SCHIP1: variants seen among roughly 807,000 people sequenced by gnomAD.
The protein encoded by SCHIP1 is schwannomin-interacting protein 1.
A neutral mutation model predicts 29.7 loss-of-function variants in SCHIP1; 8 were observed. That is an observed-to-expected ratio of 0.27 (90% CI 0.16 to 0.49). The LOEUF (loss-of-function observed/expected upper bound fraction) is 0.49. SCHIP1 is among the 20% of genes least tolerant of loss of function. The pLI is 0.99. For missense variants in SCHIP1, 193 were observed against 294.6 expected (o/e 0.66, Z 2.52); for synonymous variants, 76 against 94.9 (o/e 0.80, Z 1.16).
At chr3:159,853,160 CA>C (rs2109118574) in intron 1 of SCHIP1, 1 of 417,974 alleles carries the variant, frequency 2.4e-6, no homozygotes, top group East Asian at 3.7e-5. Flanking sequence ...CCTCAGAAAA[CA>C]GCAGCTGCCC....
the SCHIP1 span, among the ~76,000 whole-genome samples, chr3:159,461,808 A>T: frequency 6.6e-6 from 1 of 152,176 alleles, no homozygotes; most frequent in African/African-American, 2.4e-5. Flanking sequence ...AGCATATGTA[A>T]CTATTTTCCA....
At chr3:159,411,757 C>T in the SCHIP1 span, among the ~76,000 whole-genome samples, 2 of 152,172 alleles carry the variant, frequency 1.3e-5, no homozygotes, top group African/African-American at 4.8e-5. Flanking sequence ...CTGAGAATTA[C>T]TTTCATGTAA....
chr3:159,860,647 T>A (rs145651538), intron 1 of SCHIP1, among the ~76,000 whole-genome samples: 1 of 152,074 alleles, frequency 6.6e-6, no homozygotes, highest in East Asian at 1.9e-4. Context: ...GAGAAACAAA[T>A]GCATCTGGGA....
At chr3:159,711,765 CAG>C in the SCHIP1 span, among the ~76,000 whole-genome samples, 2 of 152,170 alleles carry the variant, frequency 1.3e-5, no homozygotes, top group African/African-American at 4.8e-5. Context: ...GGCTTCAACA[CAG>C]GGAATTAGGT....
the SCHIP1 span, among the ~76,000 whole-genome samples, chr3:159,662,786 A>G: frequency 6.6e-6 from 1 of 152,238 alleles, no homozygotes; most frequent in Non-Finnish European, 1.5e-5. Flanking sequence ...GAGCCAAGAT[A>G]TGAGTTCAGC....
intron 1 of SCHIP1, among the ~76,000 whole-genome samples, chr3:159,844,354 A>G (rs1228830623): frequency 6.6e-6 from 1 of 152,252 alleles, no homozygotes; most frequent in Non-Finnish European, 1.5e-5. Flanking sequence ...AACGTAAACC[A>G]AGGAGGAATA....
chr3:159,841,771 A>G (rs1327657271), intron 1 of SCHIP1, among the ~76,000 whole-genome samples: 1 of 152,222 alleles, frequency 6.6e-6, no homozygotes, highest in African/African-American at 2.4e-5. Flanking sequence ...GCTGCAATAT[A>G]TAACAGTGTC....
the SCHIP1 span, among the ~76,000 whole-genome samples, chr3:159,371,871 G>A: frequency 6.6e-6 from 1 of 152,108 alleles, no homozygotes; most frequent in Non-Finnish European, 1.5e-5. Context: ...TTTTAAAAAT[G>A]TATTTTTGAC....
chr3:159,305,578 C>T, the SCHIP1 span, among the ~76,000 whole-genome samples: 2 of 152,316 alleles, frequency 1.3e-5, no homozygotes, highest in African/African-American at 4.8e-5. Flanking sequence ...AATAAGTTCT[C>T]TTTCATTTCC....
the SCHIP1 span, among the ~76,000 whole-genome samples, chr3:159,727,137 G>C: frequency 6.6e-6 from 1 of 152,206 alleles, no homozygotes; most frequent in Non-Finnish European, 1.5e-5. Context: ...TATAATGCTT[G>C]TTGAGCATCA....
chr3:159,727,239 T>C, the SCHIP1 span, among the ~76,000 whole-genome samples: 7 of 152,254 alleles, frequency 4.6e-5, no homozygotes, highest in Non-Finnish European at 8.8e-5. Context: ...ATTCCGAGTT[T>C]TTTCCTAATC....
the SCHIP1 span, among the ~76,000 whole-genome samples, chr3:159,349,620 T>G: frequency 6.6e-6 from 1 of 152,194 alleles, no homozygotes; most frequent in Non-Finnish European, 1.5e-5. Context: ...ATTATCATTG[T>G]GGTTACTAAT....
chr3:159,318,449 C>T, the SCHIP1 span, among the ~76,000 whole-genome samples: 2 of 152,244 alleles, frequency 1.3e-5, no homozygotes, highest in African/African-American at 4.8e-5. Flanking sequence ...ACCAGGTGCA[C>T]TGCTCAAAGC....
chr3:159,660,510 C>T, the SCHIP1 span, among the ~76,000 whole-genome samples: 1 of 151,970 alleles, frequency 6.6e-6, no homozygotes, highest in African/African-American at 2.4e-5. Context: ...TACATATATA[C>T]ACATACAGAT....
the SCHIP1 span, among the ~76,000 whole-genome samples, chr3:159,400,146 T>G: frequency 6.6e-6 from 1 of 152,242 alleles, no homozygotes; most frequent in Non-Finnish European, 1.5e-5. Flanking sequence ...GACACTTTTC[T>G]GTATGTTAGC....
the SCHIP1 span, among the ~76,000 whole-genome samples, chr3:159,692,380 CT>C: frequency 0.17 from 25,231 of 152,126 alleles, 2,291 homozygotes; most frequent in Middle Eastern, 0.24. Context: ...TAGATTTGGT[CT>C]TTTCAAATAG....
the SCHIP1 span, among the ~76,000 whole-genome samples, chr3:159,719,567 G>A: frequency 6.6e-6 from 1 of 152,210 alleles, no homozygotes; most frequent in African/African-American, 2.4e-5. Flanking sequence ...ATCCAAAAGT[G>A]GGTGAAGGAT....
the SCHIP1 span, among the ~76,000 whole-genome samples, chr3:159,456,427 T>C: frequency 1.3e-5 from 2 of 152,180 alleles, no homozygotes; most frequent in African/African-American, 4.8e-5. Context: ...ACAAAATTCA[T>C]ACCCAACTAA....
chr3:159,796,573 C>CCATCTG, the SCHIP1 span, among the ~76,000 whole-genome samples: 98 of 152,242 alleles, frequency 6.4e-4, 1 homozygote, highest in African/African-American at 2.3e-3. Context: ...AGGGAGAAAG[C>CCATCTG]CATCTGCTTA....
Sources: allele counts gnomAD v4.1 joint callset (sites outside exome capture counted in the v4.1 genomes callset), GRCh38; gene constraint gnomAD v4.1.1; transcripts MANE v1.5; gene names NCBI Gene and HGNC (gene_info 2026-07-23, HGNC 2026-07-21).